DGKE: variants seen among roughly 807,000 people sequenced by gnomAD.
The protein encoded by DGKE is diacylglycerol kinase epsilon, also known as DAG kinase epsilon.
DGKE carries 53 observed loss-of-function variants against 70.0 expected under a neutral mutation model. The observed-to-expected ratio is 0.76, with a 90% confidence interval of 0.61 to 0.95. The LOEUF is 0.95. Ranked by LOEUF, DGKE falls within the 40% of genes least tolerant of loss-of-function variation. The pLI, the probability that DGKE is intolerant of heterozygous loss-of-function variation, is 0.00. For synonymous variants in DGKE, 291 were observed against 257.0 expected (o/e 1.13, Z -1.27); for missense variants, 655 against 706.9 (o/e 0.93, Z 0.83).
intron 2 of DGKE, 174 bp downstream of exon 2, chr17:56,835,433 C>A: frequency 1.4e-6 from 1 of 692,528 alleles, no homozygotes; most frequent in Non-Finnish European, 2.3e-6. Flanking sequence ...TTGCAGTAGT[C>A]ATTTGCTGAG....
intron 2 of DGKE, chr17:56,836,132 T>G (rs896169017): frequency 6.6e-6 from 1 of 152,262 alleles, no homozygotes; most frequent in African/African-American, 2.4e-5. Context: ...TGGGTTTTAT[T>G]TCTGACAAGT....
rs1442677912 is a variant in DGKE at position 56,862,875 on chromosome 17, A to G, written c.*84A>G. On this transcript the variant is annotated 3_prime_UTR_variant, in exon 12 of 12. Coordinates refer to ENST00000284061, the MANE Select transcript of DGKE (RefSeq NM_003647.3). The stretch of plus-strand genomic sequence containing the variant: ...CCAAAAGTATTAATAGAAATTCTCT[A>G]TCAGCTATTCAGTCTTAATTTCACT... The G allele has an allele frequency of 8.1e-7, 1 of 1,235,912 alleles. No homozygotes were observed. The highest frequency in any genetic ancestry group is 2.9e-5 in the East Asian group (1 of 34,766). The allele number at this position is 1,235,912 out of a possible 1,614,324, so 76.6% of individuals were successfully genotyped here.
At chr17:56,856,440 G>A in intron 7 of DGKE, 72 bp from the exon 8 acceptor site, 1 of 1,471,024 alleles carries the variant, frequency 6.8e-7, no homozygotes, top group Admixed American at 2.4e-5. Context: ...CAAAGACTAA[G>A]ATTGACATTT....
chr17:56,837,049 C>T (rs1357346775), intron 2 of DGKE, among the ~76,000 whole-genome samples: 1 of 152,134 alleles, frequency 6.6e-6, no homozygotes, highest in African/African-American at 2.4e-5. Flanking sequence ...CAGTGGTTCT[C>T]AAAGTAAGGT....
intron 7 of DGKE, among the ~76,000 whole-genome samples, chr17:56,853,615 T>C (rs954645065): frequency 4.6e-5 from 7 of 152,238 alleles, no homozygotes; most frequent in African/African-American, 1.7e-4. Flanking sequence ...GCCATAGATA[T>C]GTGTATTTAT....
rs2144285494 is a variant in DGKE, at chr17:56,858,935, T to C, written c.1284+270T>C. On this transcript the variant is annotated intron_variant, in intron 9 of 11. Transcript: ENST00000284061. The stretch of plus-strand genomic sequence containing the variant: ...AATTTGCCCAAATTCTCTCATTTAA[T>C]GCCTAAATGCACATGTAATCAAGAT... Among the ~76,000 whole-genome samples, 2 of 152,318 alleles carry C rather than the reference T, an allele frequency of 1.3e-5. 1 individual carries two copies. The highest frequency in any genetic ancestry group is 3.9e-4 in the East Asian group (2 of 5,192).
chr17:56,862,017 T>G (rs2144299462), intron 10 of DGKE, 99 bp downstream of exon 10: 2 of 1,527,568 alleles, frequency 1.3e-6, no homozygotes, highest in South Asian at 2.6e-5. Flanking sequence ...TTCTTTTTTG[T>G]GTATCTCATT....
At position 56,858,633 on chromosome 17, in the gene DGKE, C is replaced by G; in HGVS notation, c.1252C>G (p.Gln418Glu). ...CTATGGAACCAAAGATTGTTTAGTG[C>G]AAGAATGTAAAGATTTGAATAAAAA... Reference protein sequence around the residue: ...LFYGTKDCLVQECKDLNKKVE... With the variant: ...LFYGTKDCLVEECKDLNKKVE... Residue 418 changes from glutamine (Q) to glutamate (E), a missense_variant, in exon 9 of 12, where the codon CAA becomes GAA. Gln to Glu is a conservative substitution (Grantham distance 29). Coordinates refer to ENST00000284061, the MANE Select transcript of DGKE (RefSeq NM_003647.3). 6.2e-7 allele frequency: 1 copy of G among 1,605,194 alleles called. No individual in the cohort carries two copies. The highest frequency in any genetic ancestry group is 8.5e-7 in the Non-Finnish European group (1 of 1,176,682).
In DGKE at chr17:56,855,359, G is replaced by T. The variant is rs74963470; in HGVS notation, c.1099-1153G>T. On this transcript the variant is annotated intron_variant, in intron 7 of 11. Transcript: ENST00000284061. ...AGCGTCTTTGATTTGGAGGAGAAAG[G>T]TGCACTTGAGTAAAGTCAGAGTTTT... Among the ~76,000 whole-genome samples the T allele has an allele frequency of 9.3e-3, 1,392 of 149,944 alleles. 17 individuals are homozygous for T. Among genetic ancestry groups the T allele is most frequent in the African/African-American group, 0.022 (900 of 40,934 alleles).
chr17:56,861,697 A>T, intron 9 of DGKE, 94 bp from the exon 10 acceptor site: 1 of 1,550,144 alleles, frequency 6.5e-7, no homozygotes, highest in Middle Eastern at 2.3e-4. Flanking sequence ...TCTCTCATAT[A>T]TAAGCACATT....
intron 6 of DGKE, 134 bp downstream of exon 6, chr17:56,848,987 A>C: frequency 3.8e-6 from 5 of 1,323,968 alleles, no homozygotes; most frequent in Non-Finnish European, 5.2e-6. Flanking sequence ...CTACACAGAT[A>C]CTGGTGTTTT....
At chr17:56,854,987 G>C (rs1907859745) in intron 7 of DGKE, among the ~76,000 whole-genome samples, 2 of 152,280 alleles carry the variant, frequency 1.3e-5, no homozygotes, top group South Asian at 4.1e-4. Flanking sequence ...ATTCAAGCAA[G>C]TGTTTTGTGC....
rs1170735625 is a variant in DGKE at position 56,864,669 on chromosome 17, A to G, written c.*1878A>G. Reference sequence around the variant, plus strand: ...CCTTTCATTCATGATCAAAATTGTTAAAGACATCACATTTTATAAATACAC... The same window carrying G: ...CCTTTCATTCATGATCAAAATTGTTGAAGACATCACATTTTATAAATACAC... On this transcript the variant is annotated 3_prime_UTR_variant, in exon 12 of 12. Coordinates refer to ENST00000284061, the MANE Select transcript of DGKE (RefSeq NM_003647.3). 1 of 151,870 alleles carries G rather than the reference A, an allele frequency of 6.6e-6. No homozygotes were observed. The allele number at this position is 151,870 out of a possible 1,614,324, so 9.4% of individuals were successfully genotyped here.
At chr17:56,861,544 G>C (rs1262401899) in intron 9 of DGKE, among the ~76,000 whole-genome samples, 2 of 152,172 alleles carry the variant, frequency 1.3e-5, no homozygotes, top group Non-Finnish European at 2.9e-5. Context: ...GAAACAGCAA[G>C]TTAGGTAAGT....
Position 56,859,929 on chromosome 17 carries a change from T to C in DGKE, c.1284+1264T>C, listed in dbSNP as rs138279987. On this transcript the variant is annotated intron_variant, in intron 9 of 11. Coordinates refer to ENST00000284061, the MANE Select transcript of DGKE (RefSeq NM_003647.3). Reference sequence around the variant, plus strand: ...GGAAAAATGTTGCCGTTAGGCGTAATGTTTAGCTCAAAGTCTCTGGGCTGC... The same window carrying C: ...GGAAAAATGTTGCCGTTAGGCGTAACGTTTAGCTCAAAGTCTCTGGGCTGC... Among the ~76,000 whole-genome samples, 746 of 152,298 alleles carry C rather than the reference T, an allele frequency of 4.9e-3. 4 individuals carry two copies. The highest frequency in any genetic ancestry group is 0.017 in the African/African-American group (708 of 41,568).
intron 7 of DGKE, among the ~76,000 whole-genome samples, chr17:56,854,069 C>CAGAG (rs36106261): frequency 0.74 from 111,124 of 150,134 alleles, 41,261 homozygotes; most frequent in East Asian, 0.91. Flanking sequence ...AAACCAGTCA[C>CAGAG]AGACAAATAT....
chr17:56,835,257 C>A lies in DGKE; in HGVS notation c.462C>A (p.Tyr154Ter). Residue 154 changes from tyrosine to a stop codon, truncating the protein, a stop_gained and splice_region_variant, in exon 2 of 12, where the codon TAC (tyrosine) becomes TAA (stop). Transcript: ENST00000284061. LOFTEE classifies it high-confidence loss of function. ...GCTGTCAACCCAAGCTTTGCGATTACAGGTATGGTCTTCGTGGACACTCAC... is the reference window on the plus strand; with the variant it reads ...GCTGTCAACCCAAGCTTTGCGATTAAAGGTATGGTCTTCGTGGACACTCAC... ...QCGCQPKLCD[Y>*]RCIWCQKTVH... 1 of 1,606,090 alleles carries A rather than the reference C, an allele frequency of 6.2e-7. No individual in the cohort carries two copies. Among genetic ancestry groups the A allele is most frequent in the Non-Finnish European group, 8.5e-7 (1 of 1,177,110 alleles).
At position 56,843,623 on chromosome 17, in the gene DGKE, C is replaced by T. The variant is rs1907115951; in HGVS notation, c.465-396C>T. On this transcript the variant is annotated intron_variant, in intron 2 of 11. Transcript: ENST00000284061. ...GACCAGCCTGGTCAACGTAGTGAAA[C>T]CCCATCTCTACTAAGAATATAAAAA... 3.3e-5 allele frequency among the ~76,000 whole-genome samples: 5 copies of T among 151,986 alleles called. No homozygotes were observed. The South Asian group carries it at 8.3e-4, about 25-fold the overall frequency.
Position 56,862,722 on chromosome 17 carries a change from C to T in DGKE, c.1635C>T (p.Phe545=). The T allele has an allele frequency of 6.2e-7, 1 of 1,610,758 alleles. No individual in the cohort carries two copies. Among genetic ancestry groups the T allele is most frequent in the Non-Finnish European group, 8.5e-7 (1 of 1,179,108 alleles). ...AGACACATGCAATGATGTTATATTT[C>T]TCTGGAGAACAAACAGATGATGACA... ...THKTHAMMLY[F]SGEQTDDDIS... is the part of the protein sequence containing the mutation. The change falls in exon 12 of 12, where the codon TTC becomes TTT. Residue 545 remains phenylalanine, a synonymous_variant. Transcript: ENST00000284061.
Sources: allele counts gnomAD v4.1 joint callset (sites outside exome capture counted in the v4.1 genomes callset), GRCh38; gene constraint gnomAD v4.1.1; transcripts MANE v1.5; gene names NCBI Gene and HGNC (gene_info 2026-07-23, HGNC 2026-07-21).